Variants in CDYL2 observed in about 807,000 individuals in gnomAD.
The protein encoded by CDYL2 is chromodomain Y-like protein 2.
CDYL2 carries 23 observed loss-of-function variants against 49.4 expected under a neutral mutation model. The observed-to-expected ratio is 0.47, with a 90% CI of 0.34 to 0.66. CDYL2 has a LOEUF of 0.66. Among genes scored for constraint, CDYL2 ranks in the 30% least tolerant of loss-of-function variants. The probability of loss-of-function intolerance (pLI) is 0.01; values close to 1 mark genes in which losing one functional copy is unlikely to be tolerated. For synonymous variants in CDYL2, 360 were observed against 268.8 expected (o/e 1.34, Z -3.32); for missense variants, 678 against 656.4 (o/e 1.03, Z -0.36).
At chr16:80,709,381 C>CAAAAAAAAAAAA (rs11412766) in intron 1 of CDYL2, among the ~76,000 whole-genome samples, 1 of 94,004 alleles carries the variant, frequency 1.1e-5, no homozygotes. Flanking sequence ...GACTCCATTT[C>CAAAAAAAAAAAA]AAAAAAAAAA....
At chr16:80,747,428 C>A (rs959540637) in intron 1 of CDYL2, among the ~76,000 whole-genome samples, 3 of 152,108 alleles carry the variant, frequency 2.0e-5, no homozygotes, top group African/African-American at 4.8e-5. Context: ...AAGAAGATAT[C>A]GCATGCAAAG....
At chr16:80,721,772 C>G (rs1021456404) in intron 1 of CDYL2, among the ~76,000 whole-genome samples, 2 of 152,196 alleles carry the variant, frequency 1.3e-5, no homozygotes, top group South Asian at 2.1e-4. Flanking sequence ...ACAGGGAAGA[C>G]AGAAGATACA....
intron 1 of CDYL2, chr16:80,735,103 C>G (rs1336735113): frequency 6.6e-6 from 1 of 152,204 alleles, no homozygotes; most frequent in African/African-American, 2.4e-5. Flanking sequence ...TCTTGCTTAC[C>G]TCTGTCCACC....
intron 3 of CDYL2, among the ~76,000 whole-genome samples, chr16:80,630,184 G>A (rs1311626776): frequency 6.6e-6 from 1 of 152,194 alleles, no homozygotes; most frequent in Non-Finnish European, 1.5e-5. Context: ...TGAGACAGCT[G>A]AAAATACCAG....
intron 3 of CDYL2, among the ~76,000 whole-genome samples, chr16:80,624,013 A>T (rs1214872707): frequency 6.6e-6 from 1 of 152,154 alleles, no homozygotes; most frequent in Non-Finnish European, 1.5e-5. Flanking sequence ...CCCAAGCATC[A>T]TCCAGACCCT....
chr16:80,703,641 T>G (rs186171653), intron 1 of CDYL2, among the ~76,000 whole-genome samples: 2 of 152,074 alleles, frequency 1.3e-5, no homozygotes, highest in African/African-American at 4.8e-5. Flanking sequence ...TTACCATGCA[T>G]CACACTCTGG....
At chr16:80,729,651 T>G (rs1597103550) in intron 1 of CDYL2, among the ~76,000 whole-genome samples, 1 of 152,102 alleles carries the variant, frequency 6.6e-6, no homozygotes, top group Admixed American at 6.6e-5. Flanking sequence ...AATATACATT[T>G]TTTTCAGCAC....
intron 1 of CDYL2, among the ~76,000 whole-genome samples, chr16:80,791,225 A>C (rs902714667): frequency 3.9e-5 from 6 of 152,270 alleles, no homozygotes; most frequent in African/African-American, 1.4e-4. Context: ...AAGACATAGG[A>C]AACACATTCA....
At position 80,795,234 on chromosome 16, in the gene CDYL2, G is replaced by A. The variant is rs1344268891; in HGVS notation, c.24+8916C>T. On this transcript the variant is annotated intron_variant, in intron 1 of 6. Coordinates refer to ENST00000570137, the MANE Select transcript of CDYL2 (RefSeq NM_152342.4). ...TGGCAATGTGTAGCCCAGGGTCCCA[G>A]TCCCACAAACGTATCCCTCAAGTCT... Among the ~76,000 whole-genome samples the A allele has an allele frequency of 2.6e-5, 4 of 152,294 alleles. No homozygotes were observed. In the East Asian group the frequency reaches 7.7e-4, roughly 29 times the overall value.
intron 2 of CDYL2, among the ~76,000 whole-genome samples, chr16:80,640,097 A>C (rs1447931968): frequency 6.6e-6 from 1 of 152,178 alleles, no homozygotes; most frequent in African/African-American, 2.4e-5. Context: ...CAGAGCCAGT[A>C]GACTCAGGGG....
intron 2 of CDYL2, among the ~76,000 whole-genome samples, chr16:80,650,742 G>A (rs1908547164): frequency 6.6e-6 from 1 of 152,060 alleles, no homozygotes; most frequent in South Asian, 2.1e-4. Context: ...CAGACAAATG[G>A]ATAAAGAAAA....
chr16:80,693,332 A>G (rs925343145), intron 1 of CDYL2, among the ~76,000 whole-genome samples: 7 of 152,236 alleles, frequency 4.6e-5, no homozygotes, highest in Non-Finnish European at 7.3e-5. Context: ...ATAGAAATAA[A>G]AAGAGGAAAT....
intron 1 of CDYL2, among the ~76,000 whole-genome samples, chr16:80,755,010 A>G (rs1485519473): frequency 6.6e-6 from 1 of 152,158 alleles, no homozygotes; most frequent in African/African-American, 2.4e-5. Flanking sequence ...CTTCAGCTGA[A>G]GGGAAAAAGC....
At chr16:80,712,079 AGATG>A (rs1242112269) in intron 1 of CDYL2, among the ~76,000 whole-genome samples, 7 of 148,320 alleles carry the variant, frequency 4.7e-5, no homozygotes, top group African/African-American at 1.8e-4. Context: ...GTGTGTATAT[AGATG>A]TGTGTGTATA....
rs776147094 is a variant in CDYL2, at chr16:80,709,042, G to C, written c.25-23913C>G. Among the ~76,000 whole-genome samples, 6 of 152,312 alleles carry C rather than the reference G, an allele frequency of 3.9e-5. No individual in the cohort carries two copies. The South Asian group carries it at 1.2e-3, about 32-fold the overall frequency. The stretch of plus-strand genomic sequence containing the variant: ...GCGTAAGGCGCCAGTCAGACAAGAA[G>C]AAATACAAATAGAAAAGCACAGGCA... On this transcript the variant is annotated intron_variant, in intron 1 of 6. Coordinates refer to ENST00000570137, the MANE Select transcript of CDYL2 (RefSeq NM_152342.4).
intron 1 of CDYL2, among the ~76,000 whole-genome samples, chr16:80,689,922 A>C (rs936103813): frequency 2.6e-5 from 4 of 152,092 alleles, no homozygotes; most frequent in Non-Finnish European, 5.9e-5. Flanking sequence ...GGAGTTCGAA[A>C]CCAGCCTGGC....
intron 1 of CDYL2, among the ~76,000 whole-genome samples, chr16:80,690,136 A>T (rs1284028835): frequency 6.7e-6 from 1 of 150,088 alleles, no homozygotes; most frequent in African/African-American, 2.5e-5. Flanking sequence ...TAAAAAAAAA[A>T]TAAAAAAATA....
At position 80,601,672 on chromosome 16, in the gene CDYL2, T is replaced by A. The variant is rs1395752953; in HGVS notation, c.*2716A>T. 6.6e-6 allele frequency: 1 copy of A among 152,094 alleles called. No homozygotes were observed. The highest frequency in any genetic ancestry group is 2.4e-5 in the African/African-American group (1 of 41,424). 9.4% of individuals were successfully genotyped at this position (152,094 alleles called of 1,614,324 possible). On this transcript the variant is annotated 3_prime_UTR_variant, in exon 7 of 7. Transcript: ENST00000570137. Reference sequence around the variant, plus strand: ...TTACCTGGAATTCGCCTACACATGATCAAAACAACTACCCAGAAAGTGAAA... The same window carrying A: ...TTACCTGGAATTCGCCTACACATGAACAAAACAACTACCCAGAAAGTGAAA...
chr16:80,799,739 A>G (rs1216784292), intron 1 of CDYL2, among the ~76,000 whole-genome samples: 4 of 152,346 alleles, frequency 2.6e-5, no homozygotes, highest in Admixed American at 2.0e-4. Flanking sequence ...CTACTTGAAA[A>G]TAAGCTGATG....
Sources: gnomAD v4.1 joint callset for allele counts (sites outside exome capture counted in the v4.1 genomes callset) on GRCh38, gnomAD v4.1.1 for gene constraint, MANE v1.5 for transcripts, NCBI Gene and HGNC (gene_info 2026-07-23, HGNC 2026-07-21) for gene names.